Variants in OVCH2 observed in about 807,000 individuals in gnomAD.
OVCH2 encodes the protein ovochymase 2, also known as ovochymase-2.
Under a neutral mutation model 73.7 loss-of-function variants are expected in OVCH2, and 88 were observed. The observed-to-expected ratio is 1.19, with a 90% CI of 1.01 to 1.43. The LOEUF is 1.43. OVCH2 is among the 40% of genes most tolerant of loss of function. The pLI, the probability that OVCH2 is intolerant of heterozygous loss-of-function variation, is 0.00. For synonymous variants in OVCH2, 265 were observed against 234.5 expected (o/e 1.13, Z -1.19); for missense variants, 706 against 674.5 (o/e 1.05, Z -0.52).
intron 14 of OVCH2, 129 bp downstream of exon 14, chr11:7,691,140 G>A (rs967715790): frequency 5.1e-6 from 6 of 1,166,472 alleles, no homozygotes; most frequent in Middle Eastern, 2.0e-4. Flanking sequence ...TGTCCATGGT[G>A]ACTTGATAGG....
At chr11:7,693,929 G>A (rs1011491112) in intron 12 of OVCH2, among the ~76,000 whole-genome samples, 1 of 152,160 alleles carries the variant, frequency 6.6e-6, no homozygotes, top group Non-Finnish European at 1.5e-5. Flanking sequence ...TTCTAACTTA[G>A]TGTGGTATCC....
intron 7 of OVCH2, 106 bp from the exon 8 acceptor site, chr11:7,698,879 C>A (rs4367936): frequency 0.69 from 813,418 of 1,181,402 alleles, 286,155 homozygotes; most frequent in Non-Finnish European, 0.73. Context: ...AGTCAATATG[C>A]AACTAATAAA....
chr11:7,704,639 G>C lies in OVCH2; in HGVS notation c.124C>G (p.Pro42Ala). Reference protein sequence around the residue: ...SCGQSLVKVQPWNYFNIFSRI... With the variant: ...SCGQSLVKVQAWNYFNIFSRI... ...CTGAAAATGTTAAAATAATTCCAAGGCTGTACCTTAACCAGACTCTGCCCA... is the reference window on the plus strand; with the variant it reads ...CTGAAAATGTTAAAATAATTCCAAGCCTGTACCTTAACCAGACTCTGCCCA... The change falls in exon 2 of 16, where the codon CCT (proline) becomes GCT (alanine). Residue 42 changes from proline (P) to alanine (A), a missense_variant. By Grantham distance (27) the Pro-to-Ala change is conservative. Transcript: ENST00000533663. 2.5e-6 allele frequency: 4 copies of C among 1,612,466 alleles called. No individual in the cohort carries two copies. The highest frequency in any genetic ancestry group is 3.4e-6 in the Non-Finnish European group (4 of 1,179,278).
chr11:7,694,762 C>T (rs555508415), intron 12 of OVCH2, among the ~76,000 whole-genome samples: 66 of 151,742 alleles, frequency 4.3e-4, no homozygotes, highest in African/African-American at 5.8e-4. Flanking sequence ...CAGGCGCCCG[C>T]CACCGCGCCC....
intron 15 of OVCH2, 66 bp from the exon 16 acceptor site, chr11:7,689,668 T>C (rs563978858): frequency 5.3e-6 from 3 of 563,094 alleles, no homozygotes; most frequent in Non-Finnish European, 6.8e-6. Flanking sequence ...TGTGTGTGTA[T>C]GTCTCTCTGC....
chr11:7,688,095 C>T (rs1286050427), downstream of OVCH2, among the ~76,000 whole-genome samples: 1 of 152,170 alleles, frequency 6.6e-6, no homozygotes. Context: ...ATCTCTCTCT[C>T]CACAGCTCCC....
Position 7,696,699 on chromosome 11 carries a change from G to A in OVCH2, c.1016+10C>T. 1.2e-6 allele frequency: 2 copies of A among 1,613,816 alleles called. No homozygotes were observed. The highest frequency in any genetic ancestry group is 4.5e-5 in the East Asian group (2 of 44,852). ...GAGTAAGGAGGAGGAGTACAAAGGG[G>A]GTTACTCACTGCTTGCTCTCATAAT... is the stretch of plus-strand genomic sequence containing the variant. On this transcript the variant is annotated intron_variant, in intron 9 of 15. Coordinates refer to ENST00000533663, the MANE Select transcript of OVCH2 (RefSeq NM_198185.7).
chr11:7,695,105 C>A lies in OVCH2; in HGVS notation c.1366G>T (p.Ala456Ser). 1 of 1,552,204 alleles carries A rather than the reference C, an allele frequency of 6.4e-7. No individual in the cohort carries two copies. The highest frequency in any genetic ancestry group is 1.2e-5 in the South Asian group (1 of 83,990). The change falls in exon 12 of 16, where the codon GCT becomes TCT. Residue 456 changes from alanine to serine, a missense_variant. Physicochemically the swap from Ala to Ser is moderately conservative, Grantham distance 99. Coordinates refer to ENST00000533663, the MANE Select transcript of OVCH2 (RefSeq NM_198185.7). ...LNYPENYSDK[A>S]NCDWIFQASK... is the part of the protein sequence containing the mutation. ...GCTTGAAAAATCCAGTCACAGTTAG[C>A]CTTGTCACTGTAGTTTTCAGGATAG...
rs542447178 is a variant in OVCH2, at chr11:7,696,584, C to T, written c.1022G>A (p.Cys341Tyr). The part of the protein sequence containing the change: ...LHLYYESKQR[C>Y]VWTLLVPEEM... ...CTCTGGTACCAGCAGGGTCCAGACA[C>T]ACCGTCTGTAGGCAGATCATGGAGA... The change falls in exon 10 of 16, where the codon TGT (cysteine) becomes TAT (tyrosine). Residue 341 changes from cysteine to tyrosine, a missense_variant. Physicochemically the swap from Cys to Tyr is radical, Grantham distance 194. Transcript: ENST00000533663. 19 of 1,614,028 alleles carry T rather than the reference C, an allele frequency of 1.2e-5. No homozygotes were observed. The Admixed American group carries it at 1.5e-4, about 13-fold the overall frequency.
At chr11:7,687,917 C>T (rs1856160504), downstream of OVCH2, among the ~76,000 whole-genome samples, 1 of 152,042 alleles carries the variant, frequency 6.6e-6, no homozygotes, top group Admixed American at 6.5e-5. Context: ...AGGAAGCAAG[C>T]TCTTGTGCGT....
chr11:7,696,160 G>A (rs528650454), intron 10 of OVCH2, among the ~76,000 whole-genome samples: 1 of 152,324 alleles, frequency 6.6e-6, no homozygotes, highest in East Asian at 1.9e-4. Flanking sequence ...GCAGTGAGCT[G>A]TCTGGACATC....
chr11:7,684,534 G>A (rs1415470056), downstream of OVCH2, among the ~76,000 whole-genome samples: 1 of 147,738 alleles, frequency 6.8e-6, no homozygotes, highest in Non-Finnish European at 1.5e-5. Context: ...GTGTGTGTGT[G>A]TGTGTGTGTA....
downstream of OVCH2, chr11:7,689,356 TAGTC>T: frequency 4.5e-6 from 1 of 220,290 alleles, no homozygotes; most frequent in Non-Finnish European, 9.2e-6. Flanking sequence ...TTTACCTGCT[TAGTC>T]AGCCCCCACA....
chr11:7,683,275 C>T, the OVCH2 span, among the ~76,000 whole-genome samples: 2 of 152,178 alleles, frequency 1.3e-5, no homozygotes, highest in South Asian at 2.1e-4. Context: ...TACCGCTCCC[C>T]GCCCCGACCC....
At chr11:7,685,991 C>T (rs975448425), downstream of OVCH2, among the ~76,000 whole-genome samples, 1 of 152,156 alleles carries the variant, frequency 6.6e-6, no homozygotes, top group African/African-American at 2.4e-5. Flanking sequence ...CTGGCTTGAA[C>T]TGAATTTGAA....
downstream of OVCH2, among the ~76,000 whole-genome samples, chr11:7,687,308 A>ATAAT (rs370829664): frequency 7.5e-6 from 1 of 132,512 alleles, no homozygotes; most frequent in Non-Finnish European, 1.7e-5. Context: ...ATGGCTGTGG[A>ATAAT]AATAATAATA....
chr11:7,692,523 C>T (rs1205897936), intron 12 of OVCH2, among the ~76,000 whole-genome samples: 1 of 152,160 alleles, frequency 6.6e-6, no homozygotes, highest in Non-Finnish European at 1.5e-5. Flanking sequence ...TATTTCCATG[C>T]CTCACTGCAA....
chr11:7,698,311 C>G (rs1247201615), intron 8 of OVCH2, among the ~76,000 whole-genome samples: 2 of 152,216 alleles, frequency 1.3e-5, no homozygotes, highest in Non-Finnish European at 2.9e-5. Context: ...TAGAGACCAT[C>G]TGGCCCACAC....
At position 7,706,228 on chromosome 11, in the gene OVCH2, C is replaced by A. The variant is rs1472231906; in HGVS notation, c.88+79G>T. On this transcript the variant is annotated intron_variant, in intron 1 of 15. Transcript: ENST00000533663. ...TGCTTCTCCTATTTTCCCAAAGGAA[C>A]ATGGAGTCTCGGAGTTGTGACGTCC... 4.5e-6 allele frequency: 6 copies of A among 1,348,230 alleles called. No homozygotes were observed. In the African/African-American group the frequency reaches 7.4e-5, roughly 17 times the overall value. The allele number at this position is 1,348,230 out of a possible 1,614,324, so 83.5% of individuals were successfully genotyped here. A position where few individuals can be genotyped will look rare whatever the true frequency, so the allele number is the denominator to read the frequency against.
Sources: allele counts gnomAD v4.1 joint callset (sites outside exome capture counted in the v4.1 genomes callset), GRCh38; gene constraint gnomAD v4.1.1; transcripts MANE v1.5; gene names NCBI Gene and HGNC (gene_info 2026-07-23, HGNC 2026-07-21).